The following CDK5RAP2 variants were observed in gnomAD, a reference collection of about 807,000 sequenced individuals.
CDK5RAP2 encodes CDK5 regulatory subunit associated protein 2, also known as CDK5 regulatory subunit-associated protein 2.
In CDK5RAP2, 147 loss-of-function variants were observed where a neutral mutation model predicts 232.9. That is an observed-to-expected ratio of 0.63 (90% CI 0.55 to 0.72). The LOEUF (loss-of-function observed/expected upper bound fraction) is 0.72. CDK5RAP2 is among the 30% of genes least tolerant of loss of function. The probability of loss-of-function intolerance (pLI) is 0.00; values close to 1 mark genes in which losing one functional copy is unlikely to be tolerated. For missense variants in CDK5RAP2, 2,195 were observed against 2,231.5 expected, an observed-to-expected ratio of 0.98 and a Z score of 0.33; for synonymous variants, 833 against 833.7, an observed-to-expected ratio of 1.00 and a Z score of 0.01.
rs561970887 is a variant in CDK5RAP2 at position 120,481,159 on chromosome 9, T to C, written c.1627-3709A>G. ...TTACGTGTTACTACACTCCCCATTT[T>C]AGAGATGAGGAAACTGTGACACACA... On this transcript the variant is annotated intron_variant, in intron 14 of 37. Coordinates refer to ENST00000349780, the MANE Select transcript of CDK5RAP2 (RefSeq NM_018249.6). 3.3e-5 allele frequency among the ~76,000 whole-genome samples: 5 copies of C among 152,324 alleles called. No individual in the cohort carries two copies. In the South Asian group the frequency reaches 8.3e-4, roughly 25 times the overall value.
chr9:120,523,621 T>C (rs1353168316), intron 11 of CDK5RAP2, among the ~76,000 whole-genome samples: 1 of 152,246 alleles, frequency 6.6e-6, no homozygotes, highest in East Asian at 1.9e-4. Flanking sequence ...TCATGGGATA[T>C]GAATCTTGGG....
chr9:120,471,893 A>G lies in CDK5RAP2; in HGVS notation c.1728-15T>C, dbSNP rs2037728751. On this transcript the variant is annotated splice_polypyrimidine_tract_variant and intron_variant, in intron 15 of 37. Coordinates refer to ENST00000349780, the MANE Select transcript of CDK5RAP2 (RefSeq NM_018249.6). Reference sequence around the variant, plus strand: ...GGTTGTTGATACTTGGTAAAACAAGACACCAGAAGTTTTAAAACAGACCTA... The same window carrying G: ...GGTTGTTGATACTTGGTAAAACAAGGCACCAGAAGTTTTAAAACAGACCTA... 4.3e-6 allele frequency: 7 copies of G among 1,614,022 alleles called. No individual in the cohort carries two copies. The highest frequency in any genetic ancestry group is 5.9e-6 in the Non-Finnish European group (7 of 1,179,926).
chr9:120,518,504 G>A lies in CDK5RAP2; in HGVS notation c.1234C>T (p.Gln412Ter), dbSNP rs761349899. The change falls in exon 12 of 38, where the codon CAG becomes TAG. Residue 412 changes from glutamine to a stop codon, truncating the protein, a stop_gained. Coordinates refer to ENST00000349780, the MANE Select transcript of CDK5RAP2 (RefSeq NM_018249.6). LOFTEE classifies it high-confidence loss of function. ...KKITQELSDL[Q>*]QERERLEKDL... is the part of the protein sequence containing the mutation. ...TTCTCCAGTCTCTCCCTCTCCTGCT[G>A]CAAGTCACTCAGCTCCTGGGTGATC... 1 of 1,613,724 alleles carries A rather than the reference G, an allele frequency of 6.2e-7. No homozygotes were observed. Among genetic ancestry groups the A allele is most frequent in the Admixed American group, 1.7e-5 (1 of 59,968 alleles).
intron 12 of CDK5RAP2, among the ~76,000 whole-genome samples, chr9:120,493,179 T>C (rs531148918): frequency 1.0e-3 from 155 of 152,342 alleles, no homozygotes; most frequent in Admixed American, 9.9e-3. Flanking sequence ...CTGACTCTCC[T>C]CTAGAGCCTT....
intron 27 of CDK5RAP2, among the ~76,000 whole-genome samples, chr9:120,418,849 A>G (rs1255356316): frequency 6.6e-6 from 1 of 152,198 alleles, no homozygotes; most frequent in African/African-American, 2.4e-5. Context: ...AGAGGCCACC[A>G]TGGGACAAAG....
chr9:120,458,374 T>G, intron 20 of CDK5RAP2, 76 bp downstream of exon 20: 1 of 1,402,762 alleles, frequency 7.1e-7, no homozygotes. Context: ...CACGATCATC[T>G]AAACCCATTT....
intron 25 of CDK5RAP2, among the ~76,000 whole-genome samples, chr9:120,436,525 CT>C (rs2035589304): frequency 6.6e-6 from 1 of 152,100 alleles, no homozygotes; most frequent in African/African-American, 2.4e-5. Context: ...TAGACAACAC[CT>C]TTTCTGATTG....
intron 7 of CDK5RAP2, among the ~76,000 whole-genome samples, chr9:120,532,005 AT>A (rs35525358): frequency 0.032 from 4,692 of 145,468 alleles, 79 homozygotes; most frequent in Middle Eastern, 0.043. Context: ...ATAAAACTGA[AT>A]TTTTTTTTTT....
chr9:120,575,248 T>TC (rs1368148867), intron 1 of CDK5RAP2, among the ~76,000 whole-genome samples: 4 of 152,070 alleles, frequency 2.6e-5, no homozygotes, highest in Non-Finnish European at 4.4e-5. Context: ...AGATGGAGAT[T>TC]CACCACGTTG....
chr9:120,410,991 T>TTA (rs1402513678), intron 29 of CDK5RAP2, among the ~76,000 whole-genome samples: 3 of 152,238 alleles, frequency 2.0e-5, no homozygotes, highest in Non-Finnish European at 4.4e-5. Context: ...TTTGGCAGTA[T>TTA]TATATTTCCA....
At chr9:120,482,810 A>G (rs1040058314) in intron 14 of CDK5RAP2, among the ~76,000 whole-genome samples, 2 of 152,204 alleles carry the variant, frequency 1.3e-5, no homozygotes, top group African/African-American at 4.8e-5. Flanking sequence ...ATTTTGCATA[A>G]TGGAAGTCAG....
chr9:120,503,300 A>C (rs913352865), intron 12 of CDK5RAP2, among the ~76,000 whole-genome samples: 1 of 152,200 alleles, frequency 6.6e-6, no homozygotes, highest in African/African-American at 2.4e-5. Flanking sequence ...CTTCAACCTC[A>C]TATGAAGAGC....
chr9:120,516,404 A>G (rs2040342789), intron 12 of CDK5RAP2, among the ~76,000 whole-genome samples: 2 of 151,482 alleles, frequency 1.3e-5, no homozygotes, highest in Non-Finnish European at 2.9e-5. Flanking sequence ...ATTAGGAGAT[A>G]TACCTAATGC....
chr9:120,575,716 G>C (rs896422961), intron 1 of CDK5RAP2, among the ~76,000 whole-genome samples: 1 of 151,930 alleles, frequency 6.6e-6, no homozygotes, highest in Admixed American at 6.6e-5. Flanking sequence ...GCTCCTCCTC[G>C]CTCCCATCTA....
chr9:120,575,033 CA>C (rs1039479368), intron 1 of CDK5RAP2, among the ~76,000 whole-genome samples: 3 of 151,874 alleles, frequency 2.0e-5, no homozygotes, highest in African/African-American at 7.3e-5. Flanking sequence ...GCACAGGGCA[CA>C]GCCATCATAA....
At chr9:120,414,503 A>G (rs1417468192) in intron 28 of CDK5RAP2, among the ~76,000 whole-genome samples, 1 of 152,188 alleles carries the variant, frequency 6.6e-6, no homozygotes, top group Non-Finnish European at 1.5e-5. Flanking sequence ...ATATGCTGGT[A>G]TTTGCATTTA....
intron 14 of CDK5RAP2, among the ~76,000 whole-genome samples, chr9:120,477,840 A>G (rs2131567237): frequency 1.3e-5 from 2 of 152,334 alleles, no homozygotes; most frequent in Non-Finnish European, 2.9e-5. Context: ...TTCACAAACC[A>G]AAACCTGGCA....
intron 25 of CDK5RAP2, among the ~76,000 whole-genome samples, chr9:120,427,231 A>G (rs1365707888): frequency 6.6e-6 from 1 of 152,230 alleles, no homozygotes; most frequent in African/African-American, 2.4e-5. Context: ...TGGACCACAC[A>G]TAAAATACAC....
chr9:120,437,206 G>A (rs1014631806), intron 25 of CDK5RAP2, 89 bp downstream of exon 25: 27 of 906,928 alleles, frequency 3.0e-5, no homozygotes, highest in Non-Finnish European at 4.7e-5. Context: ...AGATAACTAA[G>A]GCCAAGGAGT....
Sources: gnomAD v4.1 joint callset for allele counts (sites outside exome capture counted in the v4.1 genomes callset) on GRCh38, gnomAD v4.1.1 for gene constraint, MANE v1.5 for transcripts, NCBI Gene and HGNC (gene_info 2026-07-23, HGNC 2026-07-21) for gene names.